ZNF48: variants seen among roughly 807,000 people sequenced by gnomAD.
The protein encoded by ZNF48 is zinc finger protein 553.
In ZNF48, 20 loss-of-function variants were observed where a neutral mutation model predicts 40.0. That is an observed-to-expected ratio of 0.50 (90% confidence interval 0.35 to 0.73). The LOEUF (loss-of-function observed/expected upper bound fraction) is 0.73. Ranked by LOEUF, ZNF48 falls within the 30% of genes least tolerant of loss-of-function variation. The pLI, the probability that ZNF48 is intolerant of heterozygous loss-of-function variation, is 0.01. For synonymous variants in ZNF48, 298 were observed against 329.7 expected, an observed-to-expected ratio of 0.90 and a Z score of 1.04; for missense variants, 726 against 851.9, an observed-to-expected ratio of 0.85 and a Z score of 1.84.
chr16:30,380,992 C>T (rs2049839111), intron 1 of ZNF48: 7 of 784,312 alleles, frequency 8.9e-6, no homozygotes, highest in African/African-American at 1.7e-5. Flanking sequence ...TACCACCCGC[C>T]TTCCTCAGAA....
In ZNF48 at chr16:30,399,276, G is replaced by C. The variant is rs1567436436; in HGVS notation, c.*169G>C. The C allele has an allele frequency of 1.4e-6, 1 of 729,092 alleles. No homozygotes were observed. Among genetic ancestry groups the C allele is most frequent in the Non-Finnish European group, 2.1e-6 (1 of 468,000 alleles). The allele number at this position is 729,092 out of a possible 1,614,324, so 45.2% of individuals were successfully genotyped here. A position where few individuals can be genotyped will look rare whatever the true frequency, so the allele number is the denominator to read the frequency against. On this transcript the variant is annotated 3_prime_UTR_variant, in exon 3 of 3. Transcript: ENST00000613509. ...CAGTAACCTTGAAGCTCAGGAAACT[G>C]TCCTGGCTGGGCTGAGTCAGGACCT...
chr16:30,386,815 C>T (rs1301498790), intron 1 of ZNF48, among the ~76,000 whole-genome samples: 1 of 151,774 alleles, frequency 6.6e-6, no homozygotes, highest in Non-Finnish European at 1.5e-5. Flanking sequence ...CAGGCATGTG[C>T]CACCACGCCC....
Position 30,397,343 on chromosome 16 carries a change from G to T in ZNF48, c.93G>T (p.Glu31Asp), listed in dbSNP as rs771499574. The change falls in exon 3 of 3, where the codon GAG (glutamate) becomes GAT (aspartate). Residue 31 changes from glutamate to aspartate, a missense_variant. Around this residue, in one of 5 missense-constraint regions of ZNF48, gnomAD observed 151 missense variants for 162.3 expected, o/e 0.93. Coordinates refer to ENST00000613509, the MANE Select transcript of ZNF48 (RefSeq NM_001214909.2). The surrounding 1 kb of genome is among the most constrained non-coding windows in gnomAD (Gnocchi z 4.1). ...TTCTTTCCTCAGGTCTAGGGAGTGA[G>T]AACGTGATTTCTCAGCCGAATGAGT... Reference protein sequence around the residue: ...QRGARTGLGSENVISQPNEFE... With the variant: ...QRGARTGLGSDNVISQPNEFE... The T allele has an allele frequency of 1.4e-5, 22 of 1,612,596 alleles. No individual in the cohort carries two copies. The South Asian group carries it at 2.4e-4, about 18-fold the overall frequency.
chr16:30,398,782 C>T lies in ZNF48; in HGVS notation c.1532C>T (p.Pro511Leu). Residue 511 changes from proline to leucine, a missense_variant, in exon 3 of 3, where the codon CCA (proline) becomes CTA (leucine). Coordinates refer to ENST00000613509, the MANE Select transcript of ZNF48 (RefSeq NM_001214909.2). This position sits in a 1 kb window ranked among gnomAD's most constrained non-coding sequence, Gnocchi z 6.6. ...HRGERARPPP[P>L]STLLRPHNPP... ...GGTGAACGGGCCCGGCCACCACCAC[C>T]ATCCACTCTGCTGCGGCCACATAAC... 1.9e-6 allele frequency: 3 copies of T among 1,613,824 alleles called. No individual in the cohort carries two copies. Among genetic ancestry groups the T allele is most frequent in the Non-Finnish European group, 2.5e-6 (3 of 1,180,012 alleles).
At chr16:30,383,861 A>G (rs1030956443) in intron 1 of ZNF48, among the ~76,000 whole-genome samples, 1 of 152,168 alleles carries the variant, frequency 6.6e-6, no homozygotes, top group Non-Finnish European at 1.5e-5. Flanking sequence ...TTTCTTTCCA[A>G]GGGCTCTGCC....
chr16:30,390,600 GGTTTT>G (rs2049934696), upstream of ZNF48, among the ~76,000 whole-genome samples: 1 of 103,780 alleles, frequency 9.6e-6, no homozygotes, highest in Non-Finnish European at 1.9e-5. Flanking sequence ...AGTAGAGACG[GGTTTT>G]TTTTTTTTTT....
Position 30,382,106 on chromosome 16 carries a change from C to T in ZNF48, c.-16+3696C>T, listed in dbSNP as rs1230337167. 1.3e-6 allele frequency: 2 copies of T among 1,580,556 alleles called. No homozygotes were observed. Among genetic ancestry groups the T allele is most frequent in the African/African-American group, 1.4e-5 (1 of 73,986 alleles). The stretch of plus-strand genomic sequence containing the variant: ...GGAGGGTCTTACCACTGGCCTCTGG[C>T]ACCTGGCGATCCTCATAGAGGTTGG... On this transcript the variant is annotated intron_variant, in intron 1 of 2. Transcript: ENST00000528032. This position sits in a 1 kb window ranked among gnomAD's most constrained non-coding sequence, Gnocchi z 4.8.
upstream of ZNF48, among the ~76,000 whole-genome samples, chr16:30,393,222 G>A (rs756124222): frequency 1.7e-4 from 25 of 147,560 alleles, no homozygotes; most frequent in Non-Finnish European, 3.3e-4. Flanking sequence ...GATTACAGGC[G>A]CCTGCCACCA....
At chr16:30,390,939 ATG>A (rs1567430829), upstream of ZNF48, among the ~76,000 whole-genome samples, 35 of 136,416 alleles carry the variant, frequency 2.6e-4, 1 homozygote, top group East Asian at 2.8e-3. Flanking sequence ...CAGGGTTTCA[ATG>A]TGTTAGCCAG....
At chr16:30,391,938 A>G (rs1015395801), upstream of ZNF48, among the ~76,000 whole-genome samples, 9 of 151,760 alleles carry the variant, frequency 5.9e-5, no homozygotes, top group Middle Eastern at 3.4e-3. Flanking sequence ...CCCGCGCCCA[A>G]GAGATCCTCT....
At chr16:30,392,565 A>T (rs2049951537), upstream of ZNF48, among the ~76,000 whole-genome samples, 1 of 152,210 alleles carries the variant, frequency 6.6e-6, no homozygotes, top group South Asian at 2.1e-4. Flanking sequence ...AAATCAAACC[A>T]ATTAGAGTAA....
upstream of ZNF48, among the ~76,000 whole-genome samples, chr16:30,390,432 C>A (rs936090334): frequency 5.9e-5 from 9 of 151,688 alleles, no homozygotes; most frequent in African/African-American, 2.2e-4. Context: ...TTTTTTGAGT[C>A]GGAGTCTCGC....
rs2049852061 is a variant in ZNF48, at chr16:30,381,762, G to A, written c.-16+3352G>A. The A allele has an allele frequency of 6.2e-7, 1 of 1,614,042 alleles. No homozygotes were observed. Among genetic ancestry groups the A allele is most frequent in the Admixed American group, 1.7e-5 (1 of 60,004 alleles). ...CTGTCCCCTTTCCTCTTCCTCACCA[G>A]TCAGAGCAGTCCACTGAGTCCCCAA... On this transcript the variant is annotated intron_variant, in intron 1 of 2. Transcript: ENST00000528032. The surrounding 1 kb of genome is among the most constrained non-coding windows in gnomAD (Gnocchi z 4.3).
At chr16:30,383,715 C>T in intron 1 of ZNF48, among the ~76,000 whole-genome samples, 1 of 152,238 alleles carries the variant, frequency 6.6e-6, no homozygotes. Context: ...AGTCTGAATT[C>T]TGGCCTGACT....
intron 1 of ZNF48, chr16:30,378,562 G>T: frequency 6.2e-7 from 1 of 1,606,934 alleles, no homozygotes. Flanking sequence ...GGCGAAGCCA[G>T]AGGGGGACCT....
intron 1 of ZNF48, among the ~76,000 whole-genome samples, chr16:30,388,194 G>A (rs557113584): frequency 1.3e-3 from 205 of 151,890 alleles, no homozygotes; most frequent in Non-Finnish European, 2.3e-3. Context: ...GGCTGGTCTC[G>A]AATTCCCAAT....
rs148073093 is a variant in ZNF48 at position 30,382,247 on chromosome 16, C to T, written c.-16+3837C>T. The T allele has an allele frequency of 8.5e-5, 137 of 1,612,814 alleles. 1 individual carries two copies. In the East Asian group the frequency reaches 2.2e-3, roughly 26 times the overall value. On this transcript the variant is annotated intron_variant, in intron 1 of 2. Coordinates refer to the ZNF48 transcript ENST00000528032. The surrounding 1 kb of genome is among the most constrained non-coding windows in gnomAD (Gnocchi z 4.8). ...CAGGGCCTCCTAAGGACATCCCCTC[C>T]GCAGTTCCCTCTCCAAAACCCCCAG...
chr16:30,381,579 A>G lies in ZNF48; in HGVS notation c.-16+3169A>G. 1 of 1,512,462 alleles carries G rather than the reference A, an allele frequency of 6.6e-7. No homozygotes were observed. Among genetic ancestry groups the G allele is most frequent in the African/African-American group, 1.4e-5 (1 of 72,876 alleles). 93.7% of individuals were successfully genotyped at this position (1,512,462 alleles called of 1,614,324 possible). A position where few individuals can be genotyped will look rare whatever the true frequency, so the allele number is the denominator to read the frequency against. On this transcript the variant is annotated intron_variant, in intron 1 of 2. Coordinates refer to the ZNF48 transcript ENST00000528032. The surrounding 1 kb of genome is among the most constrained non-coding windows in gnomAD (Gnocchi z 4.3). ...GAATGTCATTTCTTTGGCTCCCTCC[A>G]AAGACATTAAGGGGAACTGGTGGGG...
At chr16:30,384,373 A>G (rs1378002708) in intron 1 of ZNF48, among the ~76,000 whole-genome samples, 4 of 151,104 alleles carry the variant, frequency 2.6e-5, no homozygotes, top group African/African-American at 9.8e-5. Flanking sequence ...CTAAAAATAC[A>G]AAAAATTAGC....
Sources: gnomAD v4.1 joint callset for allele counts (sites outside exome capture counted in the v4.1 genomes callset) on GRCh38, gnomAD v4.1.1 for gene constraint, gnomAD v4.1.1 regional missense constraint, Gnocchi (gnomAD v3.1) non-coding constraint, MANE v1.5 for transcripts, NCBI Gene and HGNC (gene_info 2026-07-23, HGNC 2026-07-21) for gene names.